The following FARSB variants were observed in gnomAD, a reference collection of about 807,000 sequenced individuals.
The protein encoded by FARSB is phenylalanyl-tRNA synthetase subunit beta, also known as phenylalanine--tRNA ligase beta subunit.
Under a neutral mutation model 69.6 loss-of-function variants are expected in FARSB, and 40 were observed. That is an observed-to-expected ratio of 0.57 (90% CI 0.45 to 0.75). FARSB has a LOEUF of 0.75. Ranked by LOEUF, FARSB falls within the 30% of genes least tolerant of loss-of-function variation. The probability of loss-of-function intolerance (pLI) is 0.00; values close to 1 mark genes in which losing one functional copy is unlikely to be tolerated. For missense variants in FARSB, 632 were observed against 722.9 expected, an observed-to-expected ratio of 0.87 and a Z score of 1.44; for synonymous variants, 235 against 247.2, an observed-to-expected ratio of 0.95 and a Z score of 0.46.
intron 13 of FARSB, among the ~76,000 whole-genome samples, chr2:222,621,891 G>A (rs896554942): frequency 6.6e-6 from 1 of 152,308 alleles, no homozygotes; most frequent in South Asian, 2.1e-4. Context: ...GGAAAATTTA[G>A]TACAAATCTG....
chr2:222,623,589 T>A (rs1574938941), intron 13 of FARSB, 61 bp downstream of exon 13: 5 of 912,520 alleles, frequency 5.5e-6, no homozygotes, highest in Admixed American at 3.4e-5. Context: ...CATCATAGAA[T>A]AAATAATTCA....
chr2:222,644,650 G>C, intron 2 of FARSB: 1 of 362,706 alleles, frequency 2.8e-6, no homozygotes, highest in Non-Finnish European at 5.6e-6. Context: ...ATCCACAGGG[G>C]ATATGTTTCA....
intron 1 of FARSB, among the ~76,000 whole-genome samples, chr2:222,653,219 T>C (rs940215088): frequency 6.6e-6 from 1 of 151,658 alleles, no homozygotes; most frequent in African/African-American, 2.4e-5. Context: ...TCCAAAGGAG[T>C]CAGAAGAGCA....
intron 10 of FARSB, among the ~76,000 whole-genome samples, chr2:222,626,317 C>T (rs763751515): frequency 1.3e-5 from 2 of 151,262 alleles, no homozygotes; most frequent in Non-Finnish European, 2.9e-5. Context: ...CAACCTAATT[C>T]CAAAGTACAC....
intron 16 of FARSB, among the ~76,000 whole-genome samples, chr2:222,576,998 T>C (rs1187903539): frequency 6.6e-6 from 1 of 152,204 alleles, no homozygotes; most frequent in African/African-American, 2.4e-5. Flanking sequence ...CAGCAGTTTT[T>C]TGAGGGCACC....
intron 16 of FARSB, among the ~76,000 whole-genome samples, chr2:222,576,300 C>G (rs574294484): frequency 6.6e-6 from 1 of 151,654 alleles, no homozygotes; most frequent in South Asian, 2.1e-4. Context: ...TGATGTGAGG[C>G]TCGAACCCAC....
At chr2:222,594,544 A>G (rs2106192798) in intron 16 of FARSB, among the ~76,000 whole-genome samples, 1 of 152,290 alleles carries the variant, frequency 6.6e-6, no homozygotes, top group East Asian at 1.9e-4. Context: ...TACAGTACAT[A>G]ATAATACATA....
intron 2 of FARSB, among the ~76,000 whole-genome samples, chr2:222,646,025 T>A (rs1220798574): frequency 6.6e-6 from 1 of 152,188 alleles, no homozygotes; most frequent in South Asian, 2.1e-4. Context: ...AAGAGATCTA[T>A]CATTCAAATT....
chr2:222,590,947 A>C (rs1157224253), intron 16 of FARSB, among the ~76,000 whole-genome samples: 1 of 152,220 alleles, frequency 6.6e-6, no homozygotes, highest in Admixed American at 6.5e-5. Context: ...ATAGAAAAGG[A>C]AATAACTAAA....
intron 13 of FARSB, among the ~76,000 whole-genome samples, chr2:222,620,725 G>C (rs959966539): frequency 1.3e-5 from 2 of 152,150 alleles, no homozygotes; most frequent in African/African-American, 4.8e-5. Context: ...CACAAAAACT[G>C]ATGTACCATC....
chr2:222,604,526 C>T (rs1690650552), intron 15 of FARSB, among the ~76,000 whole-genome samples: 1 of 152,054 alleles, frequency 6.6e-6, no homozygotes, highest in African/African-American at 2.4e-5. Flanking sequence ...AAAGCCAGTA[C>T]AAGACATCTA....
intron 1 of FARSB, among the ~76,000 whole-genome samples, chr2:222,652,840 G>A (rs1692073084): frequency 6.6e-6 from 1 of 151,888 alleles, no homozygotes; most frequent in Non-Finnish European, 1.5e-5. Flanking sequence ...CTAAACTTTG[G>A]GATAATTTAG....
At chr2:222,617,915 A>T (rs999425040) in intron 14 of FARSB, among the ~76,000 whole-genome samples, 4 of 152,194 alleles carry the variant, frequency 2.6e-5, no homozygotes, top group African/African-American at 7.2e-5. Flanking sequence ...AAAGTTTTTT[A>T]AAAAAGTAAT....
chr2:222,599,783 T>G, intron 16 of FARSB, 145 bp downstream of exon 16: 2 of 653,562 alleles, frequency 3.1e-6, no homozygotes, highest in Non-Finnish European at 5.1e-6. Context: ...AGGGGATATT[T>G]TCTGGATAAT....
rs747487202 is a variant in FARSB at position 222,623,721 on chromosome 2, T to G, written c.1180A>C (p.Asn394His). Reference protein sequence around the residue: ...TYTIANQFPLNKLTELLRHDM... With the variant: ...TYTIANQFPLHKLTELLRHDM... ...TGTCGGAGAAGTTCAGTGAGCTTAT[T>G]AAGAGGAAACTGAAAAAAAAAGCAT... is the stretch of plus-strand genomic sequence containing the variant. The change falls in exon 13 of 17, where the codon AAT becomes CAT. Residue 394 changes from asparagine to histidine, a missense_variant. Asn to His is a moderately conservative substitution (Grantham distance 68, BLOSUM62 1). Transcript: ENST00000281828. 3 of 1,602,680 alleles carry G rather than the reference T, an allele frequency of 1.9e-6. No individual in the cohort carries two copies. The highest frequency in any genetic ancestry group is 2.6e-6 in the Non-Finnish European group (3 of 1,172,004).
chr2:222,612,303 G>A (rs1409778719), intron 15 of FARSB, among the ~76,000 whole-genome samples: 1 of 152,186 alleles, frequency 6.6e-6, no homozygotes, highest in Non-Finnish European at 1.5e-5. Flanking sequence ...ACTGAGATCT[G>A]TACTATGGCT....
At chr2:222,601,832 T>C (rs1175627763) in intron 15 of FARSB, among the ~76,000 whole-genome samples, 2 of 152,124 alleles carry the variant, frequency 1.3e-5, no homozygotes, top group African/African-American at 2.4e-5. Context: ...CTCAGCTAAT[T>C]TTTTAATTTT....
chr2:222,585,364 T>C (rs577039645), intron 16 of FARSB, among the ~76,000 whole-genome samples: 1 of 152,304 alleles, frequency 6.6e-6, no homozygotes, highest in African/African-American at 2.4e-5. Context: ...ACCTCATCTG[T>C]AGGTCACCAT....
chr2:222,593,338 TA>T (rs1221418444), intron 16 of FARSB, among the ~76,000 whole-genome samples: 8 of 152,078 alleles, frequency 5.3e-5, no homozygotes, highest in African/African-American at 1.7e-4. Context: ...CAAGCAACAT[TA>T]ATATGGAAGA....
Sources: gnomAD v4.1 joint callset for allele counts (sites outside exome capture counted in the v4.1 genomes callset) on GRCh38, gnomAD v4.1.1 for gene constraint, MANE v1.5 for transcripts, NCBI Gene and HGNC (gene_info 2026-07-23, HGNC 2026-07-21) for gene names.